The following ADGRL1 variants were observed in gnomAD, a reference collection of about 807,000 sequenced individuals.
ADGRL1 encodes the protein CIRL-1.
In ADGRL1, 31 loss-of-function variants were observed where a neutral mutation model predicts 148.9. The ratio of observed to expected loss-of-function variants is 0.21; its 90% CI spans 0.16 to 0.28. The LOEUF (loss-of-function observed/expected upper bound fraction) is 0.28. Among genes scored for constraint, ADGRL1 ranks in the 10% least tolerant of loss-of-function variants. The probability of loss-of-function intolerance (pLI) is 1.00; values close to 1 mark genes in which losing one functional copy is unlikely to be tolerated. For synonymous variants in ADGRL1, 937 were observed against 900.3 expected (o/e 1.04, Z -0.73); for missense variants, 1,521 against 2,058.8 (o/e 0.74, Z 5.05).
At chr19:14,182,253 G>T (rs1053079488) in intron 2 of ADGRL1, among the ~76,000 whole-genome samples, 1 of 152,218 alleles carries the variant, frequency 6.6e-6, no homozygotes, top group Non-Finnish European at 1.5e-5. Context: ...TTGTTATTAT[G>T]AATATTATTA....
In ADGRL1 at chr19:14,152,912, C is replaced by T; in HGVS notation, c.3295G>A (p.Val1099Met). 1 of 1,613,764 alleles carries T rather than the reference C, an allele frequency of 6.2e-7. No individual in the cohort carries two copies. Among genetic ancestry groups the T allele is most frequent in the Non-Finnish European group, 8.5e-7 (1 of 1,179,880 alleles). ...AGGCACTTGCTGTACTCCTTGTGCACCTGGGAGGTGGAGGACAGTCAGCTG... is the reference window on the plus strand; with the variant it reads ...AGGCACTTGCTGTACTCCTTGTGCATCTGGGAGGTGGAGGACAGTCAGCTG... The part of the protein sequence containing the change: ...FVFHCALQKK[V>M]HKEYSKCLRH... Residue 1099 changes from valine to methionine, a missense_variant and splice_region_variant, in exon 19 of 23, where the codon GTG (valine) becomes ATG (methionine). This residue lies in a region of ADGRL1 where 185 missense variants were observed against 251.7 expected (regional missense o/e 0.74). Coordinates refer to ENST00000361434, the MANE Select transcript of ADGRL1 (RefSeq NM_014921.5). The surrounding 1 kb of genome is among the most constrained non-coding windows in gnomAD (Gnocchi z 6.1).
At chr19:14,167,917 C>T (rs1387436121) in intron 4 of ADGRL1, among the ~76,000 whole-genome samples, 2 of 152,130 alleles carry the variant, frequency 1.3e-5, no homozygotes, top group Non-Finnish European at 2.9e-5. Flanking sequence ...GCCCTGCCCG[C>T]TGCCCTGCGG....
At chr19:14,197,445 C>CA (rs989214081) in intron 1 of ADGRL1, among the ~76,000 whole-genome samples, 7 of 152,142 alleles carry the variant, frequency 4.6e-5, no homozygotes, top group Non-Finnish European at 8.8e-5. Flanking sequence ...ACGATCTTTG[C>CA]AAAATGGAAA....
intron 1 of ADGRL1, among the ~76,000 whole-genome samples, chr19:14,204,476 G>T (rs758013483): frequency 2.0e-5 from 3 of 152,058 alleles, no homozygotes; most frequent in Non-Finnish European, 4.4e-5. Flanking sequence ...AAGGAGTGGG[G>T]TCTGGGGTCA....
At position 14,151,630 on chromosome 19, in the gene ADGRL1, G is replaced by T. The variant is rs1166717584; in HGVS notation, c.3668-15C>A. 6.3e-7 allele frequency: 1 copy of T among 1,575,930 alleles called. No homozygotes were observed. The highest frequency in any genetic ancestry group is 1.4e-5 in the African/African-American group (1 of 73,950). ...CAAGGGGTGCTCTGCAGGGCAGAAA[G>T]GGGCTGGTCAGGTTGAAGAGGGGCC... On this transcript the variant is annotated splice_polypyrimidine_tract_variant and intron_variant, in intron 22 of 22. Coordinates refer to ENST00000361434, the MANE Select transcript of ADGRL1 (RefSeq NM_014921.5).
chr19:14,175,344 CACAG>C (rs1970746011), intron 3 of ADGRL1, among the ~76,000 whole-genome samples: 1 of 151,330 alleles, frequency 6.6e-6, no homozygotes, highest in East Asian at 1.9e-4. Flanking sequence ...CACATCTGCC[CACAG>C]ACACAGTTAA....
Position 14,176,059 on chromosome 19 carries a change from TAAAC to T in ADGRL1, c.284+1468_284+1471del, listed in dbSNP as rs200037647. ...ACAGAGCAAGATTCTGTCTCAAAAA[TAAAC>T]AAAACAGGCCGGGCGCAGTGGCTTA... On this transcript the variant is annotated intron_variant, in intron 3 of 22. Transcript: ENST00000361434. Among the ~76,000 whole-genome samples the T allele has an allele frequency of 4.4e-3, 624 of 142,138 alleles. 21 individuals are homozygous for T. Among genetic ancestry groups the T allele is most frequent in the Admixed American group, 0.036 (523 of 14,332 alleles). The allele number at this position is 142,138 out of a possible 152,430, so 93.2% of individuals were successfully genotyped here. A position where few individuals can be genotyped will look rare whatever the true frequency, so the allele number is the denominator to read the frequency against.
At chr19:14,177,786 C>T (rs1301816300) in intron 2 of ADGRL1, 42 bp from the exon 3 acceptor site, 1 of 1,566,476 alleles carries the variant, frequency 6.4e-7, no homozygotes, top group Non-Finnish European at 8.7e-7. Flanking sequence ...TGGGCCTGGG[C>T]CAGGAAGGGA....
Position 14,159,894 on chromosome 19 carries a change from C to T in ADGRL1, c.1801-121G>A. 9.5e-7 allele frequency: 1 copy of T among 1,048,630 alleles called. No individual in the cohort carries two copies. The highest frequency in any genetic ancestry group is 1.5e-6 in the Non-Finnish European group (1 of 679,538). 65.0% of individuals were successfully genotyped at this position (1,048,630 alleles called of 1,614,324 possible). On this transcript the variant is annotated intron_variant, in intron 8 of 22. Coordinates refer to ENST00000361434, the MANE Select transcript of ADGRL1 (RefSeq NM_014921.5). This position sits in a 1 kb window ranked among gnomAD's most constrained non-coding sequence, Gnocchi z 6.0. ...TACCACTGACCCAGGGCTGGGCTAT[C>T]AGCAAGACATTCCTCAGGGATCCCC...
At chr19:14,172,210 T>C (rs1970520084) in intron 3 of ADGRL1, among the ~76,000 whole-genome samples, 1 of 151,746 alleles carries the variant, frequency 6.6e-6, no homozygotes, top group African/African-American at 2.4e-5. Flanking sequence ...TCACCTGATG[T>C]CAGAAGTTTG....
At chr19:14,166,934 C>A (rs966140973) in intron 4 of ADGRL1, 1 of 1,391,654 alleles carries the variant, frequency 7.2e-7, no homozygotes, top group Non-Finnish European at 1.0e-6. Context: ...AAGAAGGGGC[C>A]GGGGGAGGGC....
chr19:14,160,285 C>A lies in ADGRL1; in HGVS notation c.1627G>T (p.Glu543Ter). 1 of 1,591,868 alleles carries A rather than the reference C, an allele frequency of 6.3e-7. No homozygotes were observed. The highest frequency in any genetic ancestry group is 8.6e-7 in the Non-Finnish European group (1 of 1,162,126). The change falls in exon 8 of 23, where the codon GAG becomes TAG. Residue 543 changes from glutamate (E) to a stop codon, truncating the protein, a stop_gained. Coordinates refer to ENST00000361434, the MANE Select transcript of ADGRL1 (RefSeq NM_014921.5). LOFTEE classifies it high-confidence loss of function. The surrounding 1 kb of genome is among the most constrained non-coding windows in gnomAD (Gnocchi z 5.9). ...TCGCTGGCGATGTTGGCCGCGTTCT[C>A]CCCACTCTTGATCTGCATGAGGTGG... ...NQVAQKIKSG[E>*]NAANIASELA... is the part of the protein sequence containing the mutation.
chr19:14,197,496 C>T (rs1347086242), intron 1 of ADGRL1, among the ~76,000 whole-genome samples: 1 of 152,148 alleles, frequency 6.6e-6, no homozygotes, highest in African/African-American at 2.4e-5. Context: ...TCCATGGCTC[C>T]CTATTGCCTG....
chr19:14,151,573 A>C lies in ADGRL1; in HGVS notation c.3710T>G (p.Leu1237Arg). The change falls in exon 23 of 23, where the codon CTG (leucine) becomes CGG (arginine). Residue 1237 changes from leucine (L) to arginine (R), a missense_variant. By Grantham distance (102) the Leu-to-Arg change is moderately radical. Around this residue, in one of 8 missense-constraint regions of ADGRL1, gnomAD observed 390 missense variants for 375.0 expected, o/e 1.04. Transcript: ENST00000361434. ...GGREACGMDT[L>R]PLNGNFNNSY... is the part of the protein sequence containing the mutation. ...GTTATTGAAGTTGCCGTTCAGGGGCAGGGTGTCCATGCCACAGGCTTCCCG... is the reference window on the plus strand; with the variant it reads ...GTTATTGAAGTTGCCGTTCAGGGGCCGGGTGTCCATGCCACAGGCTTCCCG... 6.2e-7 allele frequency: 1 copy of C among 1,609,094 alleles called. No homozygotes were observed.
At chr19:14,175,790 C>T (rs946399128) in intron 3 of ADGRL1, among the ~76,000 whole-genome samples, 1 of 152,154 alleles carries the variant, frequency 6.6e-6, no homozygotes, top group Non-Finnish European at 1.5e-5. Context: ...GTGGCTCACG[C>T]CTGTAATCCC....
In ADGRL1 at chr19:14,163,465, G is replaced by GGAGAGAGA. The variant is rs71170599; in HGVS notation, c.395-67_395-60dup. 3,184 of 701,290 alleles carry GGAGAGAGA rather than the reference G, an allele frequency of 4.5e-3. 27 individuals carry two copies. Among genetic ancestry groups the GGAGAGAGA allele is most frequent in the African/African-American group, 0.024 (1,040 of 42,746 alleles). 43.4% of individuals were successfully genotyped at this position (701,290 alleles called of 1,614,324 possible). ...AGAGAAGGGGCAGAGGCGAGAGGGA[G>GGAGAGAGA]GAGAGAGAGAGAGAGAGAGAGAGAG... On this transcript the variant is annotated intron_variant, in intron 4 of 22. Transcript: ENST00000361434.
At chr19:14,164,411 A>C (rs1008277634) in intron 4 of ADGRL1, among the ~76,000 whole-genome samples, 1 of 152,058 alleles carries the variant, frequency 6.6e-6, no homozygotes, top group Non-Finnish European at 1.5e-5. Flanking sequence ...CTGCGCTGCA[A>C]ACCACCTGGG....
Position 14,157,222 on chromosome 19 carries a change from C to T in ADGRL1, c.2745+29G>A. 15 of 1,613,718 alleles carry T rather than the reference C, an allele frequency of 9.3e-6. No individual in the cohort carries two copies. Among genetic ancestry groups the T allele is most frequent in the Non-Finnish European group, 1.3e-5 (15 of 1,179,804 alleles). On this transcript the variant is annotated intron_variant, in intron 14 of 22. Coordinates refer to ENST00000361434, the MANE Select transcript of ADGRL1 (RefSeq NM_014921.5). This position sits in a 1 kb window ranked among gnomAD's most constrained non-coding sequence, Gnocchi z 7.5. ...TCTTCTCCCGGCCCCCAGGCGCTGGCCGTCACCTGCCCTAGAGTCCCAGCC... is the reference window on the plus strand; with the variant it reads ...TCTTCTCCCGGCCCCCAGGCGCTGGTCGTCACCTGCCCTAGAGTCCCAGCC...
chr19:14,204,282 G>A (rs1291924174), intron 1 of ADGRL1, among the ~76,000 whole-genome samples: 3 of 152,114 alleles, frequency 2.0e-5, no homozygotes, highest in Admixed American at 6.5e-5. Flanking sequence ...GAGCAGGGAG[G>A]AAGGAGAAGT....
Sources: gnomAD v4.1 joint callset for allele counts (sites outside exome capture counted in the v4.1 genomes callset) on GRCh38, gnomAD v4.1.1 for gene constraint, gnomAD v4.1.1 regional missense constraint, Gnocchi (gnomAD v3.1) non-coding constraint, MANE v1.5 for transcripts, NCBI Gene and HGNC (gene_info 2026-07-23, HGNC 2026-07-21) for gene names.